STK3: variants seen among roughly 807,000 people sequenced by gnomAD.
STK3 encodes serine/threonine-protein kinase 3.
Under a neutral mutation model 58.0 loss-of-function variants are expected in STK3, and 41 were observed. The observed-to-expected ratio is 0.71, with a 90% confidence interval of 0.55 to 0.92. The LOEUF (loss-of-function observed/expected upper bound fraction) is 0.92, where lower values mean the gene tolerates loss of function less well. STK3 is among the 40% of genes least tolerant of loss of function. The pLI is 0.00. For synonymous variants in STK3, 170 were observed against 191.0 expected (o/e 0.89, Z 0.91); for missense variants, 479 against 602.7 (o/e 0.79, Z 2.15).
chr8:98,708,874 T>A (rs1486905111), intron 4 of STK3, among the ~76,000 whole-genome samples: 1 of 151,712 alleles, frequency 6.6e-6, no homozygotes, highest in Non-Finnish European at 1.5e-5. Context: ...TAAGCTCCTT[T>A]CAACCATACC....
At chr8:98,917,694 A>G (rs1839394905) in intron 1 of STK3, among the ~76,000 whole-genome samples, 1 of 152,202 alleles carries the variant, frequency 6.6e-6, no homozygotes, top group African/African-American at 2.4e-5. Context: ...TCTGTTGTTC[A>G]TAAGCTATCC....
At chr8:98,769,059 T>C (rs1831126927) in intron 2 of STK3, among the ~76,000 whole-genome samples, 1 of 152,236 alleles carries the variant, frequency 6.6e-6, no homozygotes, top group Non-Finnish European at 1.5e-5. Context: ...TTTGCATCCC[T>C]GGCCCCTCCA....
chr8:98,853,942 T>C (rs937614395), intron 3 of STK3, among the ~76,000 whole-genome samples: 1 of 152,146 alleles, frequency 6.6e-6, no homozygotes, highest in Non-Finnish European at 1.5e-5. Flanking sequence ...TTTCACAAAC[T>C]CTTCCAAAAA....
chr8:98,579,894 A>G (rs1232079810), intron 7 of STK3, 105 bp from the exon 8 acceptor site: 10 of 1,057,318 alleles, frequency 9.5e-6, no homozygotes, highest in South Asian at 4.1e-5. Context: ...ACAGGCTTCA[A>G]TGATTGTTTT....
chr8:98,361,419 T>C, the STK3 span, among the ~76,000 whole-genome samples: 4 of 152,204 alleles, frequency 2.6e-5, no homozygotes, highest in Non-Finnish European at 4.4e-5. Context: ...TGGCACTTGA[T>C]AGTTTTGTAA....
the STK3 span, among the ~76,000 whole-genome samples, chr8:98,355,022 C>CTGCTGGGATCAACCTCCCAAAG: frequency 6.6e-6 from 1 of 152,186 alleles, no homozygotes; most frequent in Non-Finnish European, 1.5e-5. Context: ...GGTGACCCGC[C>CTGCTGGGATCAACCTCCCAAAG]TGCTGGGATC....
intron 6 of STK3, chr8:98,598,934 C>A: frequency 5.1e-6 from 5 of 980,522 alleles, no homozygotes; most frequent in Non-Finnish European, 6.1e-6. Flanking sequence ...TATCTTCATG[C>A]CTGAAATGTC....
intron 6 of STK3, among the ~76,000 whole-genome samples, chr8:98,660,972 C>T (rs2130785579): frequency 6.6e-6 from 1 of 151,454 alleles, no homozygotes; most frequent in African/African-American, 2.4e-5. Flanking sequence ...AAAGGAAGTT[C>T]TTCAGGTAGA....
chr8:98,384,040 T>C (rs1347517381), intron 1 of STK3, among the ~76,000 whole-genome samples: 1 of 152,108 alleles, frequency 6.6e-6, no homozygotes, highest in Non-Finnish European at 1.5e-5. Flanking sequence ...GGCAGGAGAA[T>C]AGAGATTTAG....
intron 10 of STK3, among the ~76,000 whole-genome samples, chr8:98,460,382 T>A (rs1819857269): frequency 6.6e-6 from 1 of 152,220 alleles, no homozygotes; most frequent in African/African-American, 2.4e-5. Flanking sequence ...AACTTGCTTT[T>A]GATTTTATAG....
Position 98,543,743 on chromosome 8 carries a change from G to C in STK3, c.1141+4226C>G, listed in dbSNP as rs16897070. On this transcript the variant is annotated intron_variant, in intron 9 of 10. Transcript: ENST00000419617. Reference sequence around the variant, plus strand: ...GAAGATCTAAACTAGCCACTCTGTAGAATGAGGAATTGCTGAACAGAGAAA... The same window carrying C: ...GAAGATCTAAACTAGCCACTCTGTACAATGAGGAATTGCTGAACAGAGAAA... Among the ~76,000 whole-genome samples the C allele has an allele frequency of 4.6e-3, 697 of 152,288 alleles. 10 individuals are homozygous for C. The highest frequency in any genetic ancestry group is 0.016 in the African/African-American group (668 of 41,568).
chr8:98,389,625 G>A (rs1296822057), upstream of STK3, among the ~76,000 whole-genome samples: 3 of 151,904 alleles, frequency 2.0e-5, no homozygotes, highest in East Asian at 5.8e-4. Context: ...CCCTATGACT[G>A]CATGCAGACA....
At chr8:98,476,897 A>G (rs2131255363) in intron 10 of STK3, among the ~76,000 whole-genome samples, 1 of 152,302 alleles carries the variant, frequency 6.6e-6, no homozygotes, top group Non-Finnish European at 1.5e-5. Flanking sequence ...CCCAAAATAC[A>G]TTACTCTGGC....
intron 8 of STK3, among the ~76,000 whole-genome samples, chr8:98,560,494 C>A (rs1172826717): frequency 6.6e-6 from 1 of 151,846 alleles, no homozygotes; most frequent in Non-Finnish European, 1.5e-5. Context: ...CATATTAAAA[C>A]ATGTACAGGA....
chr8:98,782,950 C>T (rs775712368), intron 1 of STK3, among the ~76,000 whole-genome samples: 13 of 150,900 alleles, frequency 8.6e-5, no homozygotes, highest in Non-Finnish European at 1.8e-4. Context: ...TTATGTAAAC[C>T]ATAAACCCAC....
intron 6 of STK3, among the ~76,000 whole-genome samples, chr8:98,650,776 G>A (rs541085062): frequency 1.4e-4 from 22 of 152,346 alleles, no homozygotes; most frequent in African/African-American, 4.6e-4. Context: ...AGGTGGCAGC[G>A]AGGCTGGGGG....
chr8:98,398,299 G>C (rs1335165458), downstream of STK3, among the ~76,000 whole-genome samples: 1 of 152,090 alleles, frequency 6.6e-6, no homozygotes, highest in Non-Finnish European at 1.5e-5. Context: ...ATGCATCTTA[G>C]GGCATGACTT....
chr8:98,620,690 A>G (rs886553124), intron 6 of STK3, among the ~76,000 whole-genome samples: 2 of 151,528 alleles, frequency 1.3e-5, no homozygotes, highest in East Asian at 1.9e-4. Context: ...AATAAAGAGT[A>G]GAAATCAATA....
chr8:98,536,982 C>T (rs756583745), intron 9 of STK3, among the ~76,000 whole-genome samples: 28 of 152,148 alleles, frequency 1.8e-4, no homozygotes, highest in Non-Finnish European at 3.5e-4. Context: ...AAACCTATGG[C>T]AAAATGCCTT....
Sources: gnomAD v4.1 joint callset for allele counts (sites outside exome capture counted in the v4.1 genomes callset) on GRCh38, gnomAD v4.1.1 for gene constraint, MANE v1.5 for transcripts, NCBI Gene and HGNC (gene_info 2026-07-23, HGNC 2026-07-21) for gene names.